The following CPED1 variants were observed in gnomAD, a reference collection of about 807,000 sequenced individuals.
CPED1 encodes cadherin like and PC-esterase domain containing 1.
In CPED1, 114 loss-of-function variants were observed where a neutral mutation model predicts 128.2. The ratio of observed to expected loss-of-function variants is 0.89; its 90% CI spans 0.76 to 1.04. The LOEUF (loss-of-function observed/expected upper bound fraction) is 1.04, where lower values mean the gene tolerates loss of function less well. CPED1 is among the 50% of genes least tolerant of loss of function. The pLI is 0.00. For synonymous variants in CPED1, 462 were observed against 426.7 expected (o/e 1.08, Z -1.02); for missense variants, 1,211 against 1,207.1 (o/e 1.00, Z -0.05).
chr7:121,022,397 G>A (rs1792466336), intron 3 of CPED1, among the ~76,000 whole-genome samples: 1 of 151,828 alleles, frequency 6.6e-6, no homozygotes, highest in Non-Finnish European at 1.5e-5. Flanking sequence ...ATACTGCTGG[G>A]GCTTTTGAGT....
intron 16 of CPED1, among the ~76,000 whole-genome samples, chr7:121,186,980 C>T (rs942981637): frequency 1.3e-5 from 2 of 152,314 alleles, no homozygotes; most frequent in Non-Finnish European, 1.5e-5. Context: ...CTGGCCAAAC[C>T]TGGGCCTGCC....
intron 16 of CPED1, among the ~76,000 whole-genome samples, chr7:121,208,294 C>G (rs1797566259): frequency 6.6e-6 from 1 of 151,994 alleles, no homozygotes; most frequent in Non-Finnish European, 1.5e-5. Flanking sequence ...CAGATAAATT[C>G]CTCAAGCTCT....
At chr7:121,228,609 A>G (rs1208243450) in intron 16 of CPED1, among the ~76,000 whole-genome samples, 3 of 151,930 alleles carry the variant, frequency 2.0e-5, no homozygotes, top group South Asian at 2.1e-4. Context: ...AATCCAAAAT[A>G]GAATTACCAT....
At position 121,190,989 on chromosome 7, in the gene CPED1, G is replaced by C. The variant is rs1168040261; in HGVS notation, c.2056-45725G>C. 2.6e-5 allele frequency among the ~76,000 whole-genome samples: 4 copies of C among 152,134 alleles called. No homozygotes were observed. In the East Asian group the frequency reaches 7.7e-4, roughly 29 times the overall value. ...CCCAGAGTCAGTGCTGAGTTTTAAA[G>C]CCTGTCTGGCCAGTCTTGGCTGTTA... On this transcript the variant is annotated intron_variant, in intron 16 of 22. Transcript: ENST00000310396.
intron 3 of CPED1, among the ~76,000 whole-genome samples, chr7:121,046,670 T>TA (rs1793208105): frequency 2.6e-5 from 4 of 152,012 alleles, no homozygotes; most frequent in Non-Finnish European, 5.9e-5. Context: ...TTACATTTTC[T>TA]ATAGAATAAA....
intron 18 of CPED1, among the ~76,000 whole-genome samples, chr7:121,247,794 C>T (rs1456613244): frequency 1.3e-5 from 2 of 152,140 alleles, no homozygotes; most frequent in African/African-American, 4.8e-5. Context: ...TCTGGCGGAA[C>T]CCATCTCTGG....
chr7:121,237,750 A>T (rs1798292590), intron 17 of CPED1, among the ~76,000 whole-genome samples: 1 of 152,158 alleles, frequency 6.6e-6, no homozygotes, highest in Non-Finnish European at 1.5e-5. Flanking sequence ...TACCCTTGCC[A>T]TGAACTTCAC....
In CPED1 at chr7:121,271,371, A is replaced by G. The variant is rs150822912; in HGVS notation, c.2809A>G (p.Ile937Val). 8.1e-6 allele frequency: 13 copies of G among 1,612,796 alleles called. No homozygotes were observed. The African/African-American group carries it at 1.3e-4, about 17-fold the overall frequency. ...HGYEVVDTFT[I>V]TMGRYKEFLQ... is the part of the protein sequence containing the mutation. ...CTATGAAGTAGTTGACACATTCACT[A>G]TAACAATGGGGCGTTACAAAGAGTT... The change falls in exon 22 of 23, where the codon ATA (isoleucine) becomes GTA (valine). Residue 937 changes from isoleucine (I) to valine (V), a missense_variant. Coordinates refer to ENST00000310396, the MANE Select transcript of CPED1 (RefSeq NM_024913.5).
chr7:121,052,277 A>C (rs1040244056), intron 4 of CPED1, among the ~76,000 whole-genome samples: 1 of 152,342 alleles, frequency 6.6e-6, no homozygotes, highest in East Asian at 1.9e-4. Context: ...GTATAGACCA[A>C]GGTGAACATT....
At chr7:121,078,677 G>T (rs1416360366) in intron 5 of CPED1, among the ~76,000 whole-genome samples, 1 of 152,040 alleles carries the variant, frequency 6.6e-6, no homozygotes, top group African/African-American at 2.4e-5. Context: ...GGTACTCCCT[G>T]TTCAGAAATG....
At chr7:121,130,759 A>G (rs781417388) in intron 12 of CPED1, among the ~76,000 whole-genome samples, 15 of 152,080 alleles carry the variant, frequency 9.9e-5, no homozygotes, top group African/African-American at 2.7e-4. Context: ...CTTTGTCACA[A>G]TTGATTCCTA....
intron 4 of CPED1, among the ~76,000 whole-genome samples, chr7:121,052,264 T>C (rs1211232596): frequency 6.6e-6 from 1 of 152,180 alleles, no homozygotes; most frequent in Non-Finnish European, 1.5e-5. Context: ...TAGACTTCAT[T>C]CAGTATAGAC....
chr7:121,007,064 T>C (rs12112966), intron 2 of CPED1, among the ~76,000 whole-genome samples: 3,601 of 152,140 alleles, frequency 0.024, 94 homozygotes, highest in African/African-American at 0.063. Flanking sequence ...GAGAAAACAC[T>C]GTCCTTGTGT....
intron 16 of CPED1, among the ~76,000 whole-genome samples, chr7:121,193,953 T>C (rs1797203924): frequency 6.7e-6 from 1 of 149,262 alleles, no homozygotes; most frequent in South Asian, 2.1e-4. Context: ...GTGGACTTCA[T>C]TTATCTGTAC....
At chr7:121,106,569 G>C (rs1217540400) in intron 7 of CPED1, among the ~76,000 whole-genome samples, 1 of 151,978 alleles carries the variant, frequency 6.6e-6, no homozygotes, top group East Asian at 1.9e-4. Flanking sequence ...CCTCCTTCTG[G>C]ATGCTTGAAA....
At chr7:121,112,445 CAGT>C (rs1258743300) in intron 7 of CPED1, among the ~76,000 whole-genome samples, 1 of 149,084 alleles carries the variant, frequency 6.7e-6, no homozygotes, top group Admixed American at 6.8e-5. Context: ...TGAAGACAGA[CAGT>C]AGAGTTTTGC....
At chr7:121,003,956 T>C (rs559719171) in intron 2 of CPED1, among the ~76,000 whole-genome samples, 1 of 152,288 alleles carries the variant, frequency 6.6e-6, no homozygotes, top group East Asian at 1.9e-4. Context: ...TCTACTTCTT[T>C]TATGTGGAAT....
chr7:121,265,592 A>G (rs1206825045), intron 18 of CPED1, among the ~76,000 whole-genome samples: 1 of 152,068 alleles, frequency 6.6e-6, no homozygotes, highest in East Asian at 1.9e-4. Flanking sequence ...CAGCCATTGT[A>G]CAGGAAGGGA....
intron 22 of CPED1, among the ~76,000 whole-genome samples, chr7:121,292,257 A>G (rs1396226667): frequency 6.6e-6 from 1 of 150,908 alleles, no homozygotes; most frequent in Non-Finnish European, 1.5e-5. Flanking sequence ...GCTTTATTTC[A>G]TTAAGTTGAT....
Sources: gnomAD v4.1 joint callset for allele counts (sites outside exome capture counted in the v4.1 genomes callset) on GRCh38, gnomAD v4.1.1 for gene constraint, MANE v1.5 for transcripts, NCBI Gene and HGNC (gene_info 2026-07-23, HGNC 2026-07-21) for gene names.